Variants in TGDS observed in about 807,000 individuals in gnomAD.
The protein encoded by TGDS is UDP-D-glucose 4,6-dehydratase.
In TGDS, 47 loss-of-function variants were observed where a neutral mutation model predicts 52.3. The ratio of observed to expected loss-of-function variants is 0.90; its 90% CI spans 0.71 to 1.15. The LOEUF (loss-of-function observed/expected upper bound fraction) is 1.15, where lower values mean the gene tolerates loss of function less well. Ranked by LOEUF, TGDS falls within the 50% of genes most tolerant of loss-of-function variation. TGDS has a pLI of 0.00. For missense variants in TGDS, 375 were observed against 418.4 expected (o/e 0.90, Z 0.90); for synonymous variants, 115 against 136.9 (o/e 0.84, Z 1.12).
At chr13:94,582,070 T>C (rs975552861) in intron 5 of TGDS, among the ~76,000 whole-genome samples, 9 of 152,034 alleles carry the variant, frequency 5.9e-5, no homozygotes, top group Non-Finnish European at 1.0e-4. Context: ...TGGTGGTGCA[T>C]GCCTGCAATC....
At chr13:94,586,760 T>A (rs1189265334) in intron 4 of TGDS, among the ~76,000 whole-genome samples, 2 of 147,478 alleles carry the variant, frequency 1.4e-5, no homozygotes, top group East Asian at 2.0e-4. Flanking sequence ...TATTTTTTTT[T>A]TTTTTTTTTT....
chr13:94,574,679 C>T lies in TGDS; in HGVS notation c.*103G>A. ...ATACAGAAAGTCATGAATCTAATTC[C>T]AAAAGAAAAGAGTGCACTTCATTTG... On this transcript the variant is annotated 3_prime_UTR_variant, in exon 12 of 12. Coordinates refer to ENST00000261296, the MANE Select transcript of TGDS (RefSeq NM_014305.4). 1 of 634,132 alleles carries T rather than the reference C, an allele frequency of 1.6e-6. No homozygotes were observed. Among genetic ancestry groups the T allele is most frequent in the South Asian group, 2.3e-5 (1 of 43,166 alleles). 39.3% of individuals were successfully genotyped at this position (634,132 alleles called of 1,614,324 possible).
chr13:94,578,830 T>C lies in TGDS; in HGVS notation c.616-57A>G. On this transcript the variant is annotated intron_variant, in intron 7 of 11. Transcript: ENST00000261296. The stretch of plus-strand genomic sequence containing the variant: ...GGATATTTACTCATTAGTATGAATC[T>C]GAACTCATACCAAAATTAAAAGATT... 3 of 1,060,986 alleles carry C rather than the reference T, an allele frequency of 2.8e-6. 1 individual carries two copies. The South Asian group carries it at 4.5e-5, about 16-fold the overall frequency. 65.7% of individuals were successfully genotyped at this position (1,060,986 alleles called of 1,614,324 possible). A position where few individuals can be genotyped will look rare whatever the true frequency, so the allele number is the denominator to read the frequency against.
chr13:94,595,619 C>T (rs1004544987), intron 1 of TGDS, among the ~76,000 whole-genome samples: 10 of 152,154 alleles, frequency 6.6e-5, no homozygotes, highest in Non-Finnish European at 1.5e-5. Flanking sequence ...AGGGTGTCAA[C>T]AGTGGATTTG....
intron 10 of TGDS, among the ~76,000 whole-genome samples, 160 bp downstream of exon 10, chr13:94,577,211 G>A (rs965635896): frequency 2.6e-5 from 4 of 152,034 alleles, no homozygotes; most frequent in Admixed American, 2.6e-4. Context: ...AAGTAATAAT[G>A]CTATACTTAA....
intron 11 of TGDS, 81 bp from the exon 12 acceptor site, chr13:94,574,933 T>A (rs1888544995): frequency 1.3e-6 from 1 of 799,566 alleles, no homozygotes; most frequent in East Asian, 2.7e-5. Context: ...TTTACTGAGT[T>A]CCTGCTAGCT....
At chr13:94,581,299 C>T (rs1299707676) in intron 5 of TGDS, 110 bp from the exon 6 acceptor site, 1 of 655,588 alleles carries the variant, frequency 1.5e-6, no homozygotes, top group Non-Finnish European at 2.4e-6. Flanking sequence ...AAAGCCACTT[C>T]TTAAATCCTA....
At chr13:94,586,561 C>T (rs549642594) in intron 4 of TGDS, among the ~76,000 whole-genome samples, 1 of 152,052 alleles carries the variant, frequency 6.6e-6, no homozygotes, top group Non-Finnish European at 1.5e-5. Context: ...AATACACACA[C>T]GATTTACGGA....
rs752047927 is a variant in TGDS, at chr13:94,581,205, T to C, written c.457-16A>G. 8 of 1,481,972 alleles carry C rather than the reference T, an allele frequency of 5.4e-6. No homozygotes were observed. Among genetic ancestry groups the C allele is most frequent in the East Asian group, 2.5e-5 (1 of 40,640 alleles). 91.8% of individuals were successfully genotyped at this position (1,481,972 alleles called of 1,614,324 possible). A position where few individuals can be genotyped will look rare whatever the true frequency, so the allele number is the denominator to read the frequency against. ...CATCAAATTCCTATTTTTAAAAATA[T>C]ATATTTAAAAAAGTGTTATGCATAT... On this transcript the variant is annotated splice_polypyrimidine_tract_variant and intron_variant, in intron 5 of 11. Coordinates refer to ENST00000261296, the MANE Select transcript of TGDS (RefSeq NM_014305.4).
Position 94,576,313 on chromosome 13 carries a change from C to T in TGDS, c.982+1G>A. On this transcript the variant is annotated splice_donor_variant, in intron 11 of 11. Transcript: ENST00000261296. LOFTEE classifies it high-confidence loss of function. Reference sequence around the variant, plus strand: ...CCCAAAATGATTAATTCAAAACATACTTGTTTTCTTTATTCCTTCTTTCCA... The same window carrying T: ...CCCAAAATGATTAATTCAAAACATATTTGTTTTCTTTATTCCTTCTTTCCA... 1 of 1,580,332 alleles carries T rather than the reference C, an allele frequency of 6.3e-7. No homozygotes were observed. Among genetic ancestry groups the T allele is most frequent in the South Asian group, 1.2e-5 (1 of 84,584 alleles).
In TGDS at chr13:94,581,090, CCTTAT is replaced by C; in HGVS notation, c.551_555del (p.Tyr184PhefsTer10). 1 of 1,525,294 alleles carries C rather than the reference CCTTAT, an allele frequency of 6.6e-7. No homozygotes were observed. The highest frequency in any genetic ancestry group is 1.4e-5 in the South Asian group (1 of 73,148). The allele number at this position is 1,525,294 out of a possible 1,614,324, so 94.5% of individuals were successfully genotyped here. The stretch of plus-strand genomic sequence containing the variant: ...CAAGAGTTTCTGCAATCAGTTCTTA[CCTTAT>C]ATTGTTCCCAGTAAGACTGTACAAA... On this transcript the variant is annotated frameshift_variant and splice_region_variant, in exon 6 of 12. Coordinates refer to ENST00000261296, the MANE Select transcript of TGDS (RefSeq NM_014305.4). LOFTEE classifies it high-confidence loss of function.
intron 4 of TGDS, among the ~76,000 whole-genome samples, chr13:94,585,540 G>A (rs1169173010): frequency 1.3e-5 from 2 of 152,008 alleles, no homozygotes; most frequent in Non-Finnish European, 2.9e-5. Flanking sequence ...GCTAATGCCC[G>A]TAATCCCAGC....
At chr13:94,593,963 G>A in intron 1 of TGDS, 56 bp from the exon 2 acceptor site, 1 of 1,119,214 alleles carries the variant, frequency 8.9e-7, no homozygotes, top group Non-Finnish European at 1.3e-6. Context: ...CTAAACTCTT[G>A]AATATTTTCC....
At chr13:94,577,341 C>T in intron 10 of TGDS, 30 bp downstream of exon 10, 1 of 1,523,304 alleles carries the variant, frequency 6.6e-7, no homozygotes, top group African/African-American at 1.4e-5. Context: ...ATTTCACAAC[C>T]TTTCCCCAAG....
intron 4 of TGDS, among the ~76,000 whole-genome samples, chr13:94,583,989 C>G (rs866520503): frequency 2.0e-5 from 3 of 152,170 alleles, no homozygotes; most frequent in South Asian, 4.1e-4. Context: ...ATTAAAAACT[C>G]AGAGATACCA....
intron 1 of TGDS, 42 bp downstream of exon 1, chr13:94,596,009 T>C: frequency 6.2e-7 from 1 of 1,610,486 alleles, no homozygotes; most frequent in Non-Finnish European, 8.5e-7. Flanking sequence ...AAGGTAGGGG[T>C]TTCTGGGGAG....
At chr13:94,577,344 TC>T (rs771842602) in intron 10 of TGDS, 26 bp downstream of exon 10, 1 of 1,529,088 alleles carries the variant, frequency 6.5e-7, no homozygotes, top group South Asian at 1.3e-5. Context: ...TCACAACCTT[TC>T]CCCAAGGTTT....
intron 1 of TGDS, 120 bp downstream of exon 1, chr13:94,595,931 C>A (rs1011117146): frequency 5.5e-6 from 6 of 1,098,906 alleles, no homozygotes; most frequent in African/African-American, 3.1e-5. Context: ...TTAGGACCCT[C>A]CCCATATCAG....
intron 4 of TGDS, among the ~76,000 whole-genome samples, chr13:94,585,782 A>C (rs2139529897): frequency 6.9e-6 from 1 of 144,870 alleles, no homozygotes; most frequent in South Asian, 2.3e-4. Context: ...CCTAGGTGAC[A>C]GAACAAGACT....
Sources: allele counts gnomAD v4.1 joint callset (sites outside exome capture counted in the v4.1 genomes callset), GRCh38; gene constraint gnomAD v4.1.1; transcripts MANE v1.5; gene names NCBI Gene and HGNC (gene_info 2026-07-23, HGNC 2026-07-21).